Variants in CPNE4 observed in about 807,000 individuals in gnomAD.
CPNE4 encodes copine 4, also known as copine-4.
CPNE4 carries 25 observed loss-of-function variants against 67.9 expected under a neutral mutation model. The ratio of observed to expected loss-of-function variants is 0.37; its 90% CI spans 0.27 to 0.51. The LOEUF (loss-of-function observed/expected upper bound fraction) is 0.51. Among genes scored for constraint, CPNE4 ranks in the 20% least tolerant of loss-of-function variants. The pLI is 0.93. For missense variants in CPNE4, 464 were observed against 690.8 expected, an observed-to-expected ratio of 0.67 and a Z score of 3.68; for synonymous variants, 242 against 244.9, an observed-to-expected ratio of 0.99 and a Z score of 0.11.
At chr3:131,815,221 T>G (rs2084689932) in intron 2 of CPNE4, among the ~76,000 whole-genome samples, 1 of 152,178 alleles carries the variant, frequency 6.6e-6, no homozygotes, top group Non-Finnish European at 1.5e-5. Context: ...AAGAATGATA[T>G]GAGGAATTAG....
rs992128523 is a variant in CPNE4 at position 131,964,931 on chromosome 3, C to T, written c.-1-59487G>A. Among the ~76,000 whole-genome samples, 4 of 152,096 alleles carry T rather than the reference C, an allele frequency of 2.6e-5. No individual in the cohort carries two copies. The South Asian group carries it at 6.2e-4, about 24-fold the overall frequency. On this transcript the variant is annotated intron_variant, in intron 1 of 15. Coordinates refer to ENST00000429747, the MANE Select transcript of CPNE4 (RefSeq NM_130808.3). Reference sequence around the variant, plus strand: ...CCAAGGCACATAATCATCAGATTCTCCAAGGTTGAAATGAAGGAAAAAATG... The same window carrying T: ...CCAAGGCACATAATCATCAGATTCTTCAAGGTTGAAATGAAGGAAAAAATG...
At chr3:131,957,326 G>A (rs1411476419) in intron 1 of CPNE4, among the ~76,000 whole-genome samples, 1 of 152,186 alleles carries the variant, frequency 6.6e-6, no homozygotes. Context: ...AGGGGATTTT[G>A]AAAAAGAAAA....
chr3:131,726,319 A>T (rs1183489079), intron 2 of CPNE4, among the ~76,000 whole-genome samples: 2 of 152,192 alleles, frequency 1.3e-5, no homozygotes, highest in Non-Finnish European at 2.9e-5. Context: ...CACACTATAC[A>T]AGGTAAGCTG....
At chr3:131,898,062 CATT>C (rs1391040905) in intron 2 of CPNE4, among the ~76,000 whole-genome samples, 3 of 152,072 alleles carry the variant, frequency 2.0e-5, no homozygotes, top group Non-Finnish European at 2.9e-5. Context: ...AATAAATCAT[CATT>C]GTCATTAATA....
chr3:131,659,928 G>A (rs541826712), intron 7 of CPNE4, among the ~76,000 whole-genome samples: 45 of 152,270 alleles, frequency 3.0e-4, no homozygotes, highest in African/African-American at 1.1e-3. Context: ...CAGGTTCAAA[G>A]TCATGTTAAC....
intron 1 of CPNE4, among the ~76,000 whole-genome samples, chr3:131,922,398 T>C (rs576511751): frequency 6.6e-6 from 1 of 152,272 alleles, no homozygotes; most frequent in Admixed American, 6.5e-5. Flanking sequence ...CCAGAACTGG[T>C]TTAGTGGCTT....
At chr3:131,963,636 A>G (rs1229353800) in intron 1 of CPNE4, among the ~76,000 whole-genome samples, 1 of 152,154 alleles carries the variant, frequency 6.6e-6, no homozygotes, top group Non-Finnish European at 1.5e-5. Context: ...AAGTTCGGCA[A>G]AACTCACCGC....
chr3:131,651,089 G>T (rs74834089), intron 7 of CPNE4, among the ~76,000 whole-genome samples: 6,680 of 152,188 alleles, frequency 0.044, 493 homozygotes, highest in African/African-American at 0.15. Context: ...TTAGAAAATA[G>T]ATACAGTTTA....
chr3:131,563,174 T>G (rs149572557), intron 11 of CPNE4, among the ~76,000 whole-genome samples: 81 of 152,146 alleles, frequency 5.3e-4, no homozygotes, highest in African/African-American at 1.9e-3. Context: ...TCACCAATTA[T>G]GACACTAGAA....
At chr3:131,971,485 C>G (rs955347976) in intron 1 of CPNE4, among the ~76,000 whole-genome samples, 3 of 152,148 alleles carry the variant, frequency 2.0e-5, no homozygotes, top group African/African-American at 7.2e-5. Context: ...TCATTAGGTC[C>G]AAAAACTCCA....
At chr3:132,036,926 T>C (rs1435034804), upstream of CPNE4, among the ~76,000 whole-genome samples, 1 of 152,188 alleles carries the variant, frequency 6.6e-6, no homozygotes, top group African/African-American at 2.4e-5. Flanking sequence ...TCCCATTTAA[T>C]TTTTACAACA....
chr3:131,848,967 A>AC (rs1553786313), intron 2 of CPNE4, among the ~76,000 whole-genome samples: 2 of 146,498 alleles, frequency 1.4e-5, no homozygotes, highest in Non-Finnish European at 3.0e-5. Context: ...AAAAAAAAAA[A>AC]AAAAAAAAAA....
intron 2 of CPNE4, among the ~76,000 whole-genome samples, chr3:131,841,160 A>C (rs2085766743): frequency 6.6e-6 from 1 of 152,212 alleles, no homozygotes; most frequent in African/African-American, 2.4e-5. Context: ...GTTGGCAGAA[A>C]AAAGGATAGG....
chr3:131,536,952 G>C (rs1397106050), intron 15 of CPNE4, among the ~76,000 whole-genome samples: 1 of 152,108 alleles, frequency 6.6e-6, no homozygotes, highest in Admixed American at 6.5e-5. Flanking sequence ...TCCATCCTTT[G>C]AGATATAAGT....
At chr3:131,801,372 C>CATATAT (rs201764210) in intron 2 of CPNE4, among the ~76,000 whole-genome samples, 1 of 86,212 alleles carries the variant, frequency 1.2e-5, no homozygotes, top group Non-Finnish European at 2.3e-5. Flanking sequence ...ATATATGTAC[C>CATATAT]ATATATATAT....
At chr3:132,037,706 G>C (rs376385280), upstream of CPNE4, 3 of 1,045,548 alleles carry the variant, frequency 2.9e-6, no homozygotes, top group East Asian at 5.2e-5. Flanking sequence ...TCACTCGCCG[G>C]GTTTCTGTTT....
intron 1 of CPNE4, among the ~76,000 whole-genome samples, chr3:132,029,650 C>G (rs1047246290): frequency 6.6e-6 from 1 of 152,198 alleles, no homozygotes; most frequent in African/African-American, 2.4e-5. Flanking sequence ...GGTCAATAAG[C>G]CTTAAACCTG....
intron 6 of CPNE4, among the ~76,000 whole-genome samples, chr3:131,671,205 C>A (rs2080405110): frequency 6.6e-6 from 1 of 152,278 alleles, no homozygotes; most frequent in Admixed American, 6.5e-5. Flanking sequence ...TAAATTTCTT[C>A]TAATGCATTG....
At chr3:131,989,486 G>T (rs892821450) in intron 1 of CPNE4, among the ~76,000 whole-genome samples, 3 of 87,202 alleles carry the variant, frequency 3.4e-5, no homozygotes, top group African/African-American at 8.3e-5. Flanking sequence ...AATGGCCAAA[G>T]AATTGCGCAA....
Sources: gnomAD v4.1 joint callset for allele counts (sites outside exome capture counted in the v4.1 genomes callset) on GRCh38, gnomAD v4.1.1 for gene constraint, MANE v1.5 for transcripts, NCBI Gene and HGNC (gene_info 2026-07-23, HGNC 2026-07-21) for gene names.